The following ACOT7 variants were observed in gnomAD, a reference collection of about 807,000 sequenced individuals.
The protein encoded by ACOT7 is cytosolic acyl coenzyme A thioester hydrolase.
Under a neutral mutation model 40.2 loss-of-function variants are expected in ACOT7, and 12 were observed. The observed-to-expected ratio is 0.30, with a 90% CI of 0.19 to 0.48. The LOEUF (loss-of-function observed/expected upper bound fraction) is 0.48. Among genes scored for constraint, ACOT7 ranks in the 20% least tolerant of loss-of-function variants. The pLI is 0.99. For synonymous variants in ACOT7, 228 were observed against 219.5 expected, an observed-to-expected ratio of 1.04 and a Z score of -0.34; for missense variants, 395 against 530.8, an observed-to-expected ratio of 0.74 and a Z score of 2.51.
intron 6 of ACOT7, among the ~76,000 whole-genome samples, chr1:6,316,329 T>C (rs1455631431): frequency 1.3e-5 from 2 of 152,160 alleles, no homozygotes; most frequent in Non-Finnish European, 1.5e-5. Flanking sequence ...GCAACAGCTG[T>C]TCTGCGGGCA....
intron 4 of ACOT7, among the ~76,000 whole-genome samples, chr1:6,327,764 T>C (rs567435835): frequency 3.3e-4 from 51 of 152,296 alleles, no homozygotes; most frequent in African/African-American, 1.2e-3. Flanking sequence ...TTGTTCCCAA[T>C]TTTTCTTTAC....
intron 7 of ACOT7, among the ~76,000 whole-genome samples, chr1:6,292,019 G>A (rs565235176): frequency 7.4e-4 from 112 of 152,214 alleles, no homozygotes; most frequent in Non-Finnish European, 1.4e-3. Context: ...TCGCCTCCCT[G>A]CAAAGGACCT....
chr1:6,344,703 G>A lies in ACOT7; in HGVS notation c.261+5046C>T, dbSNP rs541549124. On this transcript the variant is annotated intron_variant, in intron 2 of 8. Coordinates refer to ENST00000361521, the MANE Select transcript of ACOT7 (RefSeq NM_007274.4). Reference sequence around the variant, plus strand: ...CACTTGAACCCAGGAGGCAGAGGTTGCAGTGAGCTGAGACCGCACCATTGC... The same window carrying A: ...CACTTGAACCCAGGAGGCAGAGGTTACAGTGAGCTGAGACCGCACCATTGC... 1.1e-3 allele frequency among the ~76,000 whole-genome samples: 153 copies of A among 144,990 alleles called. 1 individual carries two copies. Among genetic ancestry groups the A allele is most frequent in the Non-Finnish European group, 2.0e-3 (131 of 67,056 alleles).
chr1:6,354,657 C>T (rs1641689574), intron 1 of ACOT7, among the ~76,000 whole-genome samples: 2 of 143,464 alleles, frequency 1.4e-5, no homozygotes, highest in South Asian at 4.6e-4. Flanking sequence ...GCCTCTCACC[C>T]CCCGTGGCCG....
In ACOT7 at chr1:6,328,631, G is replaced by A. The variant is rs531522606; in HGVS notation, c.511-1218C>T. On this transcript the variant is annotated intron_variant, in intron 4 of 8. Transcript: ENST00000361521. ...CGGGAGATGGAGGTTGCAGTGAGCC[G>A]AGATTGCGCCACTGCACTCCAGCCT... 3.3e-5 allele frequency among the ~76,000 whole-genome samples: 5 copies of A among 152,244 alleles called. No homozygotes were observed. In the South Asian group the frequency reaches 6.2e-4, roughly 19 times the overall value.
At chr1:6,342,749 C>A (rs1330064625) in intron 2 of ACOT7, among the ~76,000 whole-genome samples, 2 of 152,176 alleles carry the variant, frequency 1.3e-5, no homozygotes, top group Admixed American at 6.5e-5. Flanking sequence ...TGATGGGCAC[C>A]CTTTCACTTA....
intron 8 of ACOT7, among the ~76,000 whole-genome samples, chr1:6,280,329 AG>A (rs1639318388): frequency 6.6e-6 from 1 of 152,240 alleles, no homozygotes; most frequent in East Asian, 1.9e-4. Context: ...GGGGTCAGCC[AG>A]GATGGGGAAC....
chr1:6,340,902 G>A (rs947419274), intron 2 of ACOT7, among the ~76,000 whole-genome samples: 14 of 151,886 alleles, frequency 9.2e-5, no homozygotes, highest in Admixed American at 1.3e-4. Context: ...CGGGCGTGGC[G>A]GTGCACATCT....
chr1:6,349,972 G>A (rs967200202), intron 1 of ACOT7, 106 bp from the exon 2 acceptor site: 25 of 1,090,690 alleles, frequency 2.3e-5, no homozygotes, highest in South Asian at 2.7e-5. Context: ...AATGGCTCCC[G>A]GAGGAAAGAG....
chr1:6,309,690 TA>T (rs1238365088), intron 6 of ACOT7, among the ~76,000 whole-genome samples: 1 of 152,278 alleles, frequency 6.6e-6, no homozygotes, highest in African/African-American at 2.4e-5. Flanking sequence ...ATGTTCTCGT[TA>T]AGGAGGCTTA....
chr1:6,334,807 G>C (rs1641054838), intron 3 of ACOT7, among the ~76,000 whole-genome samples: 1 of 152,226 alleles, frequency 6.6e-6, no homozygotes, highest in African/African-American at 2.4e-5. Context: ...GAGACGTCTA[G>C]GGGTTTACCC....
intron 8 of ACOT7, among the ~76,000 whole-genome samples, chr1:6,271,596 G>C (rs1460848076): frequency 6.6e-6 from 1 of 152,170 alleles, no homozygotes; most frequent in Non-Finnish European, 1.5e-5. Context: ...TTGCCTTAGC[G>C]GAGCCTGTCC....
chr1:6,334,186 C>T (rs1425629071), intron 3 of ACOT7, among the ~76,000 whole-genome samples: 1 of 152,208 alleles, frequency 6.6e-6, no homozygotes, highest in African/African-American at 2.4e-5. Flanking sequence ...AGGCTGAGCC[C>T]GCTTCACCTG....
At chr1:6,303,628 G>A (rs1640030997) in intron 6 of ACOT7, among the ~76,000 whole-genome samples, 2 of 152,110 alleles carry the variant, frequency 1.3e-5, no homozygotes, top group Non-Finnish European at 1.5e-5. Context: ...CCCAACTGAC[G>A]GAGCGTGGGC....
At chr1:6,381,218 C>T (rs1642327016) in intron 1 of ACOT7, among the ~76,000 whole-genome samples, 1 of 151,686 alleles carries the variant, frequency 6.6e-6, no homozygotes, top group Admixed American at 6.6e-5. Flanking sequence ...TACATGGATA[C>T]TTATATAGAT....
rs1428807004 is a variant in ACOT7, at chr1:6,299,620, T to C, written c.713-4640A>G. 6.6e-6 allele frequency among the ~76,000 whole-genome samples: 1 copy of C among 151,496 alleles called. No homozygotes were observed. Among genetic ancestry groups the C allele is most frequent in the Non-Finnish European group, 1.5e-5 (1 of 67,942 alleles). The stretch of plus-strand genomic sequence containing the variant: ...GAGGCCCACCCGGCCACCTCCTGAC[T>C]AGGTACTAGGTCATGGCTTCAGAGA... On this transcript the variant is annotated intron_variant, in intron 6 of 8. Coordinates refer to ENST00000361521, the MANE Select transcript of ACOT7 (RefSeq NM_007274.4). This position sits in a 1 kb window ranked among gnomAD's most constrained non-coding sequence, Gnocchi z 4.1.
intron 3 of ACOT7, among the ~76,000 whole-genome samples, chr1:6,335,783 G>A (rs778921254): frequency 2.6e-5 from 4 of 152,232 alleles, no homozygotes; most frequent in Non-Finnish European, 5.9e-5. Context: ...CCTTGGGAAC[G>A]TGGGGCTCCC....
rs1571301518 is a variant in ACOT7, at chr1:6,316,492, A to G, written c.712+2000T>C. 2.0e-5 allele frequency among the ~76,000 whole-genome samples: 3 copies of G among 152,342 alleles called. No individual in the cohort carries two copies. The South Asian group carries it at 6.2e-4, about 32-fold the overall frequency. Reference sequence around the variant, plus strand: ...AAACAATCATGAAGTAGGAAAAAGAAAAAGAAACAAACTTTGGAAACATAT... The same window carrying G: ...AAACAATCATGAAGTAGGAAAAAGAGAAAGAAACAAACTTTGGAAACATAT... On this transcript the variant is annotated intron_variant, in intron 6 of 8. Coordinates refer to ENST00000361521, the MANE Select transcript of ACOT7 (RefSeq NM_007274.4).
Position 6,349,817 on chromosome 1 carries a change from T to G in ACOT7, c.193A>C (p.Thr65Pro). ...GCCTCCTCGATCATCTTCAGGATGGTCCCCCCGTGGACATTGCCGGCCACG... is the reference window on the plus strand; with the variant it reads ...GCCTCCTCGATCATCTTCAGGATGGGCCCCCCGTGGACATTGCCGGCCACG... ...ANVAGNVHGG[T>P]ILKMIEEAGA... Residue 65 changes from threonine to proline, a missense_variant, in exon 2 of 9, where the codon ACC becomes CCC. Physicochemically the swap from Thr to Pro is conservative, Grantham distance 38. Transcript: ENST00000361521. 6.2e-7 allele frequency: 1 copy of G among 1,613,958 alleles called. No homozygotes were observed. The highest frequency in any genetic ancestry group is 1.1e-5 in the South Asian group (1 of 91,060).
Sources: gnomAD v4.1 joint callset for allele counts (sites outside exome capture counted in the v4.1 genomes callset) on GRCh38, gnomAD v4.1.1 for gene constraint, Gnocchi (gnomAD v3.1) non-coding constraint, MANE v1.5 for transcripts, NCBI Gene and HGNC (gene_info 2026-07-23, HGNC 2026-07-21) for gene names.